The following NEK11 variants were observed in gnomAD, a reference collection of about 807,000 sequenced individuals.
NEK11 encodes NIMA related kinase 11, also known as serine/threonine-protein kinase Nek11.
Under a neutral mutation model 80.7 loss-of-function variants are expected in NEK11, and 72 were observed. The ratio of observed to expected loss-of-function variants is 0.89; its 90% CI spans 0.74 to 1.08. NEK11 has a LOEUF of 1.08. Ranked by LOEUF, NEK11 falls within the 50% of genes least tolerant of loss-of-function variation. The pLI is 0.00. For synonymous variants in NEK11, 251 were observed against 260.7 expected, an observed-to-expected ratio of 0.96 and a Z score of 0.36; for missense variants, 764 against 763.6, an observed-to-expected ratio of 1.00 and a Z score of -0.01.
intron 3 of NEK11, among the ~76,000 whole-genome samples, chr3:131,043,886 G>T (rs2066920484): frequency 1.3e-5 from 2 of 152,180 alleles, no homozygotes; most frequent in African/African-American, 4.8e-5. Flanking sequence ...TACCCACAAA[G>T]GGAAGCCTAT....
intron 5 of NEK11, among the ~76,000 whole-genome samples, chr3:131,115,889 C>G (rs2080936744): frequency 6.8e-6 from 1 of 147,534 alleles, no homozygotes; most frequent in Admixed American, 6.7e-5. Flanking sequence ...AAAATGTTCC[C>G]TGAAAGGTAG....
chr3:131,337,115 G>A (rs1319250037), intron 17 of NEK11, among the ~76,000 whole-genome samples: 3 of 152,126 alleles, frequency 2.0e-5, no homozygotes, highest in Non-Finnish European at 4.4e-5. Context: ...CCATTACTGG[G>A]TATATACCCA....
Position 131,129,675 on chromosome 3 carries a change from G to A in NEK11, c.456-3070G>A, listed in dbSNP as rs79903907. On this transcript the variant is annotated intron_variant, in intron 5 of 17. Transcript: ENST00000383366. Reference sequence around the variant, plus strand: ...TTCATCTATTGTATATGAATGCCCAGTTGTTCCAGCACCATTTGTTGAAAC... The same window carrying A: ...TTCATCTATTGTATATGAATGCCCAATTGTTCCAGCACCATTTGTTGAAAC... 7.7e-3 allele frequency among the ~76,000 whole-genome samples: 1,172 copies of A among 152,288 alleles called. 6 individuals are homozygous for A. Among genetic ancestry groups the A allele is most frequent in the Non-Finnish European group, 0.012 (837 of 68,022 alleles).
chr3:131,271,968 C>T lies in NEK11; in HGVS notation c.1622-1510C>T, dbSNP rs954986100. Among the ~76,000 whole-genome samples, 9 of 151,906 alleles carry T rather than the reference C, an allele frequency of 5.9e-5. No homozygotes were observed. The South Asian group carries it at 6.2e-4, about 11-fold the overall frequency. ...ATACAAAATTAGCCAGGCATGGTGG[C>T]GCACGCCTGTAATCCCAGCTACTCA... On this transcript the variant is annotated intron_variant, in intron 16 of 17. Coordinates refer to ENST00000383366, the MANE Select transcript of NEK11 (RefSeq NM_024800.5).
intron 14 of NEK11, among the ~76,000 whole-genome samples, chr3:131,206,557 A>G (rs1217412549): frequency 6.6e-6 from 1 of 152,236 alleles, no homozygotes; most frequent in Non-Finnish European, 1.5e-5. Flanking sequence ...ATACAATAAC[A>G]CATTTATCTA....
chr3:131,233,091 G>T (rs1028878614), intron 15 of NEK11, among the ~76,000 whole-genome samples: 1 of 151,874 alleles, frequency 6.6e-6, no homozygotes, highest in African/African-American at 2.4e-5. Context: ...TGGCAGGCAG[G>T]CTGGCAGGCA....
intron 14 of NEK11, among the ~76,000 whole-genome samples, chr3:131,198,681 C>T (rs1268739964): frequency 2.0e-5 from 3 of 152,194 alleles, no homozygotes; most frequent in South Asian, 2.1e-4. Context: ...TCCCTCGGAC[C>T]TGTGTAAGGA....
intron 17 of NEK11, among the ~76,000 whole-genome samples, chr3:131,303,214 T>C (rs766141396): frequency 3.0e-4 from 45 of 152,206 alleles, no homozygotes; most frequent in Non-Finnish European, 5.4e-4. Context: ...TTTGAGCCTA[T>C]GTGTGCCATT....
chr3:131,224,571 T>G (rs1312888589), intron 14 of NEK11, among the ~76,000 whole-genome samples: 1 of 152,110 alleles, frequency 6.6e-6, no homozygotes, highest in Non-Finnish European at 1.5e-5. Flanking sequence ...CTCCTTCTAC[T>G]TATTAAAAAA....
At position 131,126,959 on chromosome 3, in the gene NEK11, C is replaced by CTTTTTTTTTTTTT. The variant is rs71133688; in HGVS notation, c.456-5775_456-5763dup. 3.6e-4 allele frequency among the ~76,000 whole-genome samples: 32 copies of CTTTTTTTTTTTTT among 90,118 alleles called. 1 individual carries two copies. The highest frequency in any genetic ancestry group is 2.3e-3 in the East Asian group (7 of 3,094). The allele number at this position is 90,118 out of a possible 152,430, so 59.1% of individuals were successfully genotyped here. The stretch of plus-strand genomic sequence containing the variant: ...ATGTTTTCTTTTTCTTTCTTTCTTT[C>CTTTTTTTTTTTTT]TTTTTTTTTTTTTTTTTTTTTTTGA... On this transcript the variant is annotated intron_variant, in intron 5 of 17. Coordinates refer to ENST00000383366, the MANE Select transcript of NEK11 (RefSeq NM_024800.5).
rs1470973077 is a variant in NEK11 at position 131,243,500 on chromosome 3, A to C, written c.1621+4A>C. The C allele has an allele frequency of 1.1e-5, 18 of 1,610,984 alleles. No homozygotes were observed. The highest frequency in any genetic ancestry group is 1.5e-5 in the Non-Finnish European group (18 of 1,177,736). On this transcript the variant is annotated splice_donor_region_variant and intron_variant, in intron 16 of 17. Coordinates refer to ENST00000383366, the MANE Select transcript of NEK11 (RefSeq NM_024800.5). ...GTCCTGGGTTGCACTTCTCTAGGTG[A>C]GTAAGTTCCTTTAGGCTTCAAAATA...
chr3:131,124,761 C>A (rs553072343), intron 5 of NEK11, among the ~76,000 whole-genome samples: 71 of 152,206 alleles, frequency 4.7e-4, no homozygotes, highest in African/African-American at 1.7e-3. Flanking sequence ...GTCTAGGTAT[C>A]GTGGGAATGT....
intron 3 of NEK11, among the ~76,000 whole-genome samples, chr3:131,035,792 G>T (rs543551683): frequency 6.6e-6 from 1 of 152,106 alleles, no homozygotes; most frequent in East Asian, 1.9e-4. Flanking sequence ...GAATAATTGG[G>T]CAATTACTCG....
chr3:131,289,224 C>T (rs186621794), intron 17 of NEK11, among the ~76,000 whole-genome samples: 26 of 152,286 alleles, frequency 1.7e-4, no homozygotes, highest in Non-Finnish European at 3.2e-4. Flanking sequence ...ACCCACATCC[C>T]TGGTGTCTCT....
intron 17 of NEK11, among the ~76,000 whole-genome samples, chr3:131,340,400 C>T (rs984239659): frequency 2.0e-5 from 3 of 152,062 alleles, no homozygotes; most frequent in Non-Finnish European, 4.4e-5. Flanking sequence ...TTCTTTAGAG[C>T]CCTTATTAGA....
intron 4 of NEK11, among the ~76,000 whole-genome samples, chr3:131,095,535 A>G (rs932895736): frequency 6.6e-6 from 1 of 152,102 alleles, no homozygotes; most frequent in African/African-American, 2.4e-5. Flanking sequence ...TATATACAGT[A>G]TTTTTTAAAA....
rs544178321 is a variant in NEK11 at position 131,201,550 on chromosome 3, A to G, written c.1400-26978A>G. Reference sequence around the variant, plus strand: ...CAGAAATGTGCCTCTCCTTTTACCCAGCATTTTCTTGTAGTAGTTTATCAT... The same window carrying G: ...CAGAAATGTGCCTCTCCTTTTACCCGGCATTTTCTTGTAGTAGTTTATCAT... On this transcript the variant is annotated intron_variant, in intron 14 of 17. Transcript: ENST00000383366. Among the ~76,000 whole-genome samples the G allele has an allele frequency of 3.3e-5, 5 of 152,302 alleles. No individual in the cohort carries two copies. The South Asian group carries it at 1.0e-3, about 32-fold the overall frequency.
rs190490929 is a variant in NEK11 at position 131,269,387 on chromosome 3, C to T, written c.1622-4091C>T. ...CCAGTTTTGTGCTTGAAACCCAGGGCCCTGGTGGCATAGGCACCCGAGGGA... is the reference window on the plus strand; with the variant it reads ...CCAGTTTTGTGCTTGAAACCCAGGGTCCTGGTGGCATAGGCACCCGAGGGA... On this transcript the variant is annotated intron_variant, in intron 16 of 17. Coordinates refer to ENST00000383366, the MANE Select transcript of NEK11 (RefSeq NM_024800.5). 4.7e-4 allele frequency among the ~76,000 whole-genome samples: 72 copies of T among 152,288 alleles called. No homozygotes were observed. In the East Asian group the frequency reaches 0.013, roughly 29 times the overall value.
chr3:131,118,252 T>C (rs1400801403), intron 5 of NEK11, among the ~76,000 whole-genome samples: 1 of 152,178 alleles, frequency 6.6e-6, no homozygotes, highest in Non-Finnish European at 1.5e-5. Context: ...TTGTCTTTGG[T>C]TCTGTTTATA....
Sources: gnomAD v4.1 joint callset for allele counts (sites outside exome capture counted in the v4.1 genomes callset) on GRCh38, gnomAD v4.1.1 for gene constraint, MANE v1.5 for transcripts, NCBI Gene and HGNC (gene_info 2026-07-23, HGNC 2026-07-21) for gene names.